DLG2: variants seen among roughly 807,000 people sequenced by gnomAD.
DLG2 encodes the protein discs large MAGUK scaffold protein 2, also known as disks large homolog 2.
Under a neutral mutation model 132.5 loss-of-function variants are expected in DLG2, and 45 were observed. The observed-to-expected ratio is 0.34, with a 90% confidence interval of 0.27 to 0.44. The LOEUF is 0.44. DLG2 is among the 20% of genes least tolerant of loss of function. The pLI is 1.00. For synonymous variants in DLG2, 424 were observed against 419.6 expected (o/e 1.01, Z -0.13); for missense variants, 1,045 against 1,196.9 (o/e 0.87, Z 1.87).
At chr11:84,163,212 C>T (rs1369318668) in intron 9 of DLG2, among the ~76,000 whole-genome samples, 2 of 152,084 alleles carry the variant, frequency 1.3e-5, no homozygotes, top group African/African-American at 4.8e-5. Flanking sequence ...GCTCATCAAA[C>T]ATTTCTCTTT....
At chr11:85,593,541 T>C (rs577094555) in intron 3 of DLG2, among the ~76,000 whole-genome samples, 7 of 152,290 alleles carry the variant, frequency 4.6e-5, no homozygotes, top group African/African-American at 1.7e-4. Flanking sequence ...TGTTTCACCA[T>C]TAATCTTTAA....
At chr11:84,093,905 G>C (rs564696095) in intron 10 of DLG2, among the ~76,000 whole-genome samples, 1 of 151,880 alleles carries the variant, frequency 6.6e-6, no homozygotes, top group Non-Finnish European at 1.5e-5. Context: ...ATGAGCCATC[G>C]CGCCTATTCG....
intron 6 of DLG2, among the ~76,000 whole-genome samples, chr11:84,539,155 G>A (rs184846771): frequency 3.9e-5 from 6 of 152,106 alleles, no homozygotes; most frequent in African/African-American, 1.4e-4. Flanking sequence ...ATGAGACATA[G>A]GTGTTATTCT....
chr11:85,016,778 G>T (rs1168995942), intron 6 of DLG2, among the ~76,000 whole-genome samples: 1 of 152,046 alleles, frequency 6.6e-6, no homozygotes, highest in Non-Finnish European at 1.5e-5. Context: ...TGACAGGTTA[G>T]ATAGCCCTCA....
chr11:83,699,804 G>T (rs1348053808), intron 18 of DLG2, among the ~76,000 whole-genome samples: 1 of 147,292 alleles, frequency 6.8e-6, no homozygotes, highest in Non-Finnish European at 1.5e-5. Flanking sequence ...TAAGAATGGG[G>T]CTAAAAATTT....
intron 6 of DLG2, among the ~76,000 whole-genome samples, chr11:85,075,762 T>C (rs2154169271): frequency 6.6e-6 from 1 of 151,954 alleles, no homozygotes; most frequent in Middle Eastern, 3.4e-3. Context: ...AGAAAATATA[T>C]AATATAATTG....
chr11:85,587,503 A>G (rs563871404), intron 3 of DLG2, among the ~76,000 whole-genome samples: 8 of 152,206 alleles, frequency 5.3e-5, no homozygotes, highest in African/African-American at 1.9e-4. Flanking sequence ...GTTTTGTCTG[A>G]TATAAGAATA....
intron 8 of DLG2, among the ~76,000 whole-genome samples, chr11:84,201,534 C>T (rs989534835): frequency 6.7e-5 from 10 of 150,234 alleles, no homozygotes; most frequent in African/African-American, 2.4e-4. Flanking sequence ...TCAGCTCTTC[C>T]TTGGACCTCT....
chr11:83,790,972 G>T (rs375005611), intron 17 of DLG2: 1 of 860,308 alleles, frequency 1.2e-6, no homozygotes. Flanking sequence ...TCCAGGCGAA[G>T]ATACAGGTCT....
At chr11:85,180,678 G>C (rs895333520) in intron 4 of DLG2, among the ~76,000 whole-genome samples, 2 of 151,800 alleles carry the variant, frequency 1.3e-5, no homozygotes, top group African/African-American at 4.8e-5. Flanking sequence ...GCATTAAATA[G>C]AACATAGAGC....
intron 6 of DLG2, among the ~76,000 whole-genome samples, chr11:84,954,705 C>T (rs1210332019): frequency 6.6e-6 from 1 of 152,162 alleles, no homozygotes; most frequent in Non-Finnish European, 1.5e-5. Context: ...CTCATTTTCT[C>T]AGGTATTGTC....
chr11:84,041,365 T>C (rs572931879), intron 11 of DLG2, among the ~76,000 whole-genome samples: 54 of 152,056 alleles, frequency 3.6e-4, no homozygotes, highest in Admixed American at 7.2e-4. Flanking sequence ...GATATTTTGG[T>C]ATTGCTCTCC....
At chr11:85,622,338 A>G (rs780650970) in intron 2 of DLG2, among the ~76,000 whole-genome samples, 21 of 152,134 alleles carry the variant, frequency 1.4e-4, no homozygotes, top group Non-Finnish European at 2.5e-4. Flanking sequence ...AGCTTGCTTC[A>G]TTGTGATAAT....
At chr11:84,921,894 T>C (rs2092774190) in intron 6 of DLG2, among the ~76,000 whole-genome samples, 1 of 152,182 alleles carries the variant, frequency 6.6e-6, no homozygotes, top group South Asian at 2.1e-4. Flanking sequence ...GAAAATTGAC[T>C]GCTAAAGTTC....
At chr11:84,877,637 C>G (rs1466698953) in intron 6 of DLG2, among the ~76,000 whole-genome samples, 1 of 147,308 alleles carries the variant, frequency 6.8e-6, no homozygotes, top group Non-Finnish European at 1.5e-5. Flanking sequence ...ACTGATGGGT[C>G]TTGACTTTTT....
chr11:85,451,415 G>C (rs1393191682), intron 3 of DLG2, among the ~76,000 whole-genome samples: 1 of 152,088 alleles, frequency 6.6e-6, no homozygotes, highest in East Asian at 1.9e-4. Context: ...CACAATATCT[G>C]TAGTGATTTG....
rs145058729 is a variant in DLG2, at chr11:83,988,233, C to A, written c.920-7591G>T. ...TGTGCTTATGTCCTGAATGGTATTT[C>A]TTAGATTTTCTTCTAGGTTTATTAT... On this transcript the variant is annotated intron_variant, in intron 11 of 27. Coordinates refer to ENST00000376104, the MANE Select transcript of DLG2 (RefSeq NM_001142699.3). Among the ~76,000 whole-genome samples the A allele has an allele frequency of 4.5e-4, 68 of 152,208 alleles. 1 individual carries two copies. The East Asian group carries it at 0.013, about 29-fold the overall frequency.
At chr11:85,177,996 G>A (rs931726440) in intron 4 of DLG2, among the ~76,000 whole-genome samples, 3 of 151,930 alleles carry the variant, frequency 2.0e-5, no homozygotes, top group Admixed American at 2.0e-4. Flanking sequence ...AAAGACAAAG[G>A]TAGACTGAGA....
intron 7 of DLG2, among the ~76,000 whole-genome samples, chr11:84,449,533 T>C (rs1317938253): frequency 6.6e-6 from 1 of 151,842 alleles, no homozygotes; most frequent in Non-Finnish European, 1.5e-5. Flanking sequence ...AGTTGTATTC[T>C]ATATGTCAGC....
Sources: gnomAD v4.1 joint callset for allele counts (sites outside exome capture counted in the v4.1 genomes callset) on GRCh38, gnomAD v4.1.1 for gene constraint, MANE v1.5 for transcripts, NCBI Gene and HGNC (gene_info 2026-07-23, HGNC 2026-07-21) for gene names.